Variants in NRXN1 observed in about 807,000 individuals in gnomAD.
NRXN1 encodes neurexin-1.
A neutral mutation model predicts 150.9 loss-of-function variants in NRXN1; 39 were observed. The ratio of observed to expected loss-of-function variants is 0.26; its 90% CI spans 0.20 to 0.34. The LOEUF is 0.34. NRXN1 is among the 10% of genes least tolerant of loss of function. The probability of loss-of-function intolerance (pLI) is 1.00; values close to 1 mark genes in which losing one functional copy is unlikely to be tolerated. For missense variants in NRXN1, 1,815 were observed against 1,949.9 expected (o/e 0.93, Z 1.30); for synonymous variants, 924 against 757.0 (o/e 1.22, Z -3.62).
At chr2:50,958,072 T>C (rs962355764) in intron 2 of NRXN1, among the ~76,000 whole-genome samples, 1 of 152,132 alleles carries the variant, frequency 6.6e-6, no homozygotes, top group African/African-American at 2.4e-5. Flanking sequence ...TCTTGCGCAA[T>C]TGTCTCAGTG....
intron 5 of NRXN1, among the ~76,000 whole-genome samples, chr2:50,813,000 G>A (rs868054359): frequency 5.6e-4 from 85 of 151,806 alleles, no homozygotes; most frequent in African/African-American, 1.8e-3. Flanking sequence ...GATCAGTTTG[G>A]GCAACACAGT....
intron 18 of NRXN1, among the ~76,000 whole-genome samples, chr2:50,200,615 C>T (rs1166475209): frequency 6.6e-6 from 1 of 152,122 alleles, no homozygotes; most frequent in Admixed American, 6.6e-5. Flanking sequence ...CTCTAGCTAA[C>T]ATTCATGCCA....
intron 17 of NRXN1, among the ~76,000 whole-genome samples, chr2:50,456,123 G>A (rs1190895796): frequency 2.0e-5 from 3 of 152,198 alleles, no homozygotes; most frequent in African/African-American, 4.8e-5. Context: ...TCACACCTAC[G>A]CGAACAGTTT....
intron 17 of NRXN1, among the ~76,000 whole-genome samples, chr2:50,385,921 T>C (rs2081299045): frequency 6.6e-6 from 1 of 151,998 alleles, no homozygotes; most frequent in African/African-American, 2.4e-5. Context: ...AAAACTTTCT[T>C]AAAATATGCA....
chr2:50,944,716 G>T (rs1690049984), intron 2 of NRXN1, among the ~76,000 whole-genome samples: 1 of 152,114 alleles, frequency 6.6e-6, no homozygotes, highest in Non-Finnish European at 1.5e-5. Context: ...AAATTCATGA[G>T]TCAAATTCCT....
At chr2:50,503,463 C>A (rs924793329) in intron 13 of NRXN1, among the ~76,000 whole-genome samples, 29 of 147,058 alleles carry the variant, frequency 2.0e-4, no homozygotes, top group Non-Finnish European at 3.9e-4. Context: ...CATAAGATAG[C>A]GTAATTATGA....
In NRXN1 at chr2:50,053,326, A is replaced by C; in HGVS notation, c.4073T>G (p.Leu1358Arg). The change falls in exon 21 of 23, where the codon CTG becomes CGG. Residue 1358 changes from leucine (L) to arginine (R), a missense_variant. By Grantham distance (102) the Leu-to-Arg change is moderately radical (BLOSUM62 -2). Around this residue, in one of 6 missense-constraint regions of NRXN1, gnomAD observed 265 missense variants for 307.1 expected, o/e 0.86. Coordinates refer to ENST00000401669, the MANE Select transcript of NRXN1 (RefSeq NM_001330078.2). ...TCCTCTTCTGGCTGTGCTAGTAGCCAGGGTCGTGGTAGTCTCCATAATTGA... is the reference window on the plus strand; with the variant it reads ...TCCTCTTCTGGCTGTGCTAGTAGCCCGGGTCGTGGTAGTCTCCATAATTGA... The part of the protein sequence containing the change: ...STSIMETTTT[L>R]ATSTARRGKP... The C allele has an allele frequency of 6.2e-7, 1 of 1,614,030 alleles. No individual in the cohort carries two copies. Among genetic ancestry groups the C allele is most frequent in the Non-Finnish European group, 8.5e-7 (1 of 1,179,924 alleles).
intron 5 of NRXN1, among the ~76,000 whole-genome samples, chr2:50,881,810 AATT>A (rs1264316343): frequency 2.6e-5 from 4 of 151,862 alleles, no homozygotes; most frequent in Non-Finnish European, 1.5e-5. Context: ...TTTAATATAA[AATT>A]ATTATTCAAA....
intron 12 of NRXN1, among the ~76,000 whole-genome samples, chr2:50,526,510 G>T (rs994956472): frequency 2.6e-5 from 4 of 152,126 alleles, no homozygotes; most frequent in Admixed American, 2.0e-4. Flanking sequence ...TGTTAATTTA[G>T]TTTTTATTGA....
chr2:50,178,790 AG>A (rs2060511506), intron 18 of NRXN1, among the ~76,000 whole-genome samples: 1 of 152,160 alleles, frequency 6.6e-6, no homozygotes, highest in Non-Finnish European at 1.5e-5. Context: ...ATTTACATCA[AG>A]GTTTGCCAAT....
intron 17 of NRXN1, among the ~76,000 whole-genome samples, chr2:50,358,461 G>A (rs1040727173): frequency 3.9e-5 from 6 of 152,282 alleles, no homozygotes; most frequent in East Asian, 1.9e-4. Context: ...AACAAAGCTC[G>A]TGGGAAGTTT....
intron 19 of NRXN1, among the ~76,000 whole-genome samples, chr2:50,089,485 T>G (rs996111694): frequency 4.6e-5 from 7 of 152,188 alleles, no homozygotes; most frequent in Non-Finnish European, 1.0e-4. Context: ...TAGCTATTAC[T>G]TTTAAAAGCA....
At chr2:50,713,122 G>A (rs1695397390) in intron 5 of NRXN1, among the ~76,000 whole-genome samples, 1 of 151,930 alleles carries the variant, frequency 6.6e-6, no homozygotes, top group Non-Finnish European at 1.5e-5. Flanking sequence ...AGACCAGCCT[G>A]GTCAAAATGA....
chr2:50,347,886 T>C lies in NRXN1; in HGVS notation c.3365-110916A>G. ...ATGTAACGAGGGAGGCTGGTCTAGCTTCCCACGAAAATCGCCCTGCTTTGC... is the reference window on the plus strand; with the variant it reads ...ATGTAACGAGGGAGGCTGGTCTAGCCTCCCACGAAAATCGCCCTGCTTTGC... On this transcript the variant is annotated intron_variant, in intron 17 of 22. Coordinates refer to ENST00000401669, the MANE Select transcript of NRXN1 (RefSeq NM_001330078.2). This position sits in a 1 kb window ranked among gnomAD's most constrained non-coding sequence, Gnocchi z 4.9. The C allele has an allele frequency of 1.0e-6, 1 of 972,942 alleles. No individual in the cohort carries two copies. Among genetic ancestry groups the C allele is most frequent in the Non-Finnish European group, 1.2e-6 (1 of 818,682 alleles). 60.3% of individuals were successfully genotyped at this position (972,942 alleles called of 1,614,324 possible). A position where few individuals can be genotyped will look rare whatever the true frequency, so the allele number is the denominator to read the frequency against.
intron 17 of NRXN1, among the ~76,000 whole-genome samples, chr2:50,411,978 C>A (rs931057564): frequency 5.3e-5 from 8 of 152,168 alleles, no homozygotes; most frequent in Non-Finnish European, 8.8e-5. Flanking sequence ...AAGAAAAATT[C>A]TTCTGCCTTG....
chr2:50,688,589 A>G (rs1483137424), intron 5 of NRXN1, among the ~76,000 whole-genome samples: 2 of 152,144 alleles, frequency 1.3e-5, no homozygotes. Context: ...TTTTGCTGCA[A>G]TCAGTAAGGA....
chr2:49,938,059 A>G (rs1232123886), intron 22 of NRXN1, among the ~76,000 whole-genome samples: 1 of 152,196 alleles, frequency 6.6e-6, no homozygotes, highest in African/African-American at 2.4e-5. Flanking sequence ...AATTTAGCTT[A>G]ATAGTAATAC....
At chr2:50,371,287 G>A (rs2080007261) in intron 17 of NRXN1, among the ~76,000 whole-genome samples, 2 of 152,072 alleles carry the variant, frequency 1.3e-5, no homozygotes, top group South Asian at 4.1e-4. Context: ...TGAGACTTAA[G>A]AACATGTTGC....
rs189828405 is a variant in NRXN1 at position 49,991,310 on chromosome 2, C to T, written c.4129-47519G>A. On this transcript the variant is annotated intron_variant, in intron 21 of 22. Coordinates refer to ENST00000401669, the MANE Select transcript of NRXN1 (RefSeq NM_001330078.2). ...AAACTATCTTTGCTTGCAGGTGACACAATTGTGTATGCAGAACATCTGAAA... is the reference window on the plus strand; with the variant it reads ...AAACTATCTTTGCTTGCAGGTGACATAATTGTGTATGCAGAACATCTGAAA... 3.4e-4 allele frequency among the ~76,000 whole-genome samples: 51 copies of T among 152,148 alleles called. 1 individual carries two copies. Among genetic ancestry groups the T allele is most frequent in the Admixed American group, 9.2e-4 (14 of 15,278 alleles).
Sources: allele counts gnomAD v4.1 joint callset (sites outside exome capture counted in the v4.1 genomes callset), GRCh38; gene constraint gnomAD v4.1.1; regional missense constraint gnomAD v4.1.1; non-coding constraint Gnocchi (gnomAD v3.1); transcripts MANE v1.5; gene names NCBI Gene and HGNC (gene_info 2026-07-23, HGNC 2026-07-21).